The following F5 variants were observed in gnomAD, a reference collection of about 807,000 sequenced individuals.
F5 encodes the protein activated protein c cofactor.
F5 carries 138 observed loss-of-function variants against 216.4 expected under a neutral mutation model. That is an observed-to-expected ratio of 0.64 (90% CI 0.56 to 0.73). The LOEUF (loss-of-function observed/expected upper bound fraction) is 0.73. Among genes scored for constraint, F5 ranks in the 30% least tolerant of loss-of-function variants. The pLI is 0.00. For missense variants in F5, 2,403 were observed against 2,674.0 expected, an observed-to-expected ratio of 0.90 and a Z score of 2.24; for synonymous variants, 916 against 930.7, an observed-to-expected ratio of 0.98 and a Z score of 0.29.
intron 13 of F5, 99 bp downstream of exon 13, chr1:169,540,195 T>C (rs1022751782): frequency 3.1e-6 from 4 of 1,285,806 alleles, no homozygotes; most frequent in African/African-American, 2.9e-5. Flanking sequence ...ACACTGTTCT[T>C]AGTATAATTT....
intron 22 of F5, among the ~76,000 whole-genome samples, chr1:169,519,004 A>C (rs1047341426): frequency 6.6e-6 from 1 of 152,214 alleles, no homozygotes; most frequent in East Asian, 1.9e-4. Context: ...GATACAATGG[A>C]CCCTCAGTCA....
rs191926685 is a variant in F5, at chr1:169,529,822, G to A, written c.5209-4C>T. 1 of 1,610,626 alleles carries A rather than the reference G, an allele frequency of 6.2e-7. No homozygotes were observed. The highest frequency in any genetic ancestry group is 1.7e-5 in the Admixed American group (1 of 59,980). On this transcript the variant is annotated splice_polypyrimidine_tract_variant and splice_region_variant and intron_variant, in intron 15 of 24. Transcript: ENST00000367797. ...AGCCTGAGTGAATATCTTTTTCCTG[G>A]AAAAACAGAGTAAATTGTATTGCCT...
At chr1:169,524,743 G>T in intron 19 of F5, 94 bp downstream of exon 19, 2 of 1,062,650 alleles carry the variant, frequency 1.9e-6, no homozygotes, top group South Asian at 1.3e-5. Context: ...GAGAAAAACT[G>T]ATTCATAGAT....
chr1:169,569,382 A>G (rs921687811), intron 3 of F5, among the ~76,000 whole-genome samples: 1 of 152,132 alleles, frequency 6.6e-6, no homozygotes, highest in Non-Finnish European at 1.5e-5. Context: ...TCACATTCAT[A>G]TGCAACTCAT....
rs1392651509 is a variant in F5, at chr1:169,586,294, T to C, written c.93A>G (p.Leu31=). The change falls in exon 1 of 25, where the codon CTA becomes CTG. Residue 31 remains leucine (L), a synonymous_variant. Coordinates refer to ENST00000367797, the MANE Select transcript of F5 (RefSeq NM_000130.5). ...CCTGAGCAGCCACGTAGAACTGCCT[T>C]AGCTGTGCCGCTTCTGTCCCTTGGC... ...WGSQGTEAAQ[L]RQFYVAAQGI... 1.9e-6 allele frequency: 3 copies of C among 1,614,172 alleles called. No homozygotes were observed. Among genetic ancestry groups the C allele is most frequent in the Middle Eastern group, 1.6e-4 (1 of 6,062 alleles).
chr1:169,567,821 GT>G (rs1470676039), intron 3 of F5, among the ~76,000 whole-genome samples: 5 of 152,106 alleles, frequency 3.3e-5, no homozygotes, highest in Admixed American at 3.3e-4. Context: ...TAGGGTACAT[GT>G]TGGTGCCCTA....
intron 9 of F5, among the ~76,000 whole-genome samples, chr1:169,550,253 T>C (rs1276910944): frequency 6.7e-6 from 1 of 148,830 alleles, no homozygotes; most frequent in African/African-American, 2.5e-5. Flanking sequence ...TAACATTAGG[T>C]ATATCTCCTA....
intron 11 of F5, among the ~76,000 whole-genome samples, 188 bp from the exon 12 acceptor site, chr1:169,544,696 T>C (rs1420810206): frequency 6.6e-6 from 1 of 152,234 alleles, no homozygotes; most frequent in East Asian, 1.9e-4. Context: ...GAGAGATTAT[T>C]CTCCTAAATT....
In F5 at chr1:169,540,618, G is replaced by A. The variant is rs781197060; in HGVS notation, c.4472C>T (p.Pro1491Leu). Residue 1491 changes from proline to leucine, a missense_variant, in exon 13 of 25, where the codon CCA becomes CTA. By Grantham distance (98) the Pro-to-Leu change is moderately conservative (BLOSUM62 -3). This residue lies in a region of F5 where 293 missense variants were observed against 270.8 expected (regional missense o/e 1.08). Transcript: ENST00000367797. ...ATTGAGAGTAGGAGATGAAGGAGAT[G>A]GCATCTGACCAAGGTCTGGATAAGG... ...SFPYPDLGQM[P>L]SPSSPTLNDT... 3 of 1,613,880 alleles carry A rather than the reference G, an allele frequency of 1.9e-6. No homozygotes were observed. Among genetic ancestry groups the A allele is most frequent in the Non-Finnish European group, 2.5e-6 (3 of 1,179,964 alleles).
At chr1:169,523,618 T>A (rs1659362313) in intron 20 of F5, among the ~76,000 whole-genome samples, 183 bp downstream of exon 20, 1 of 152,208 alleles carries the variant, frequency 6.6e-6, no homozygotes, top group African/African-American at 2.4e-5. Flanking sequence ...TAAAACAAGA[T>A]ATTATTAGAA....
intron 10 of F5, 102 bp from the exon 11 acceptor site, chr1:169,546,694 G>A: frequency 9.7e-7 from 1 of 1,026,522 alleles, no homozygotes; most frequent in Non-Finnish European, 1.5e-6. Context: ...ACAACTATCT[G>A]ATCTGTGACA....
chr1:169,547,272 A>G (rs1660031567), intron 10 of F5, among the ~76,000 whole-genome samples: 1 of 152,238 alleles, frequency 6.6e-6, no homozygotes, highest in Non-Finnish European at 1.5e-5. Context: ...TATTTGGGAC[A>G]TAGGGATGGG....
intron 10 of F5, among the ~76,000 whole-genome samples, chr1:169,547,921 C>T (rs12026997): frequency 0.12 from 18,894 of 152,044 alleles, 2,990 homozygotes; most frequent in East Asian, 0.64. Flanking sequence ...TTCACAATAG[C>T]AAAGACATGA....
chr1:169,586,164 T>C, intron 1 of F5, 65 bp downstream of exon 1: 1 of 1,582,240 alleles, frequency 6.3e-7, no homozygotes, highest in Non-Finnish European at 8.7e-7. Context: ...GCAAAGGGAA[T>C]GTTCTCTAAA....
At chr1:169,549,572 A>G (rs1457945751) in intron 10 of F5, among the ~76,000 whole-genome samples, 4 of 143,162 alleles carry the variant, frequency 2.8e-5, no homozygotes, top group Non-Finnish European at 4.7e-5. Context: ...ACTAAGACAA[A>G]ATATGTTATC....
chr1:169,581,545 A>G (rs1660987153), intron 2 of F5, among the ~76,000 whole-genome samples: 1 of 152,052 alleles, frequency 6.6e-6, no homozygotes, highest in Non-Finnish European at 1.5e-5. Context: ...ACTCCCATTG[A>G]CTAAATATTG....
In F5 at chr1:169,542,554, C is replaced by G. The variant is rs1199603730; in HGVS notation, c.2536G>C (p.Gly846Arg). Residue 846 changes from glycine to arginine, a missense_variant, in exon 13 of 25, where the codon GGG becomes CGG. By Grantham distance (125) the Gly-to-Arg change is moderately radical (BLOSUM62 -2). Transcript: ENST00000367797. ...GCACCAAGTGAAAGTAGACGTATCC[C>G]TGTGACATCTGGCTGTAGAGGATCC... Reference protein sequence around the residue: ...IEDPLQPDVTGIRLLSLGAGE... With the variant: ...IEDPLQPDVTRIRLLSLGAGE... 6.2e-7 allele frequency: 1 copy of G among 1,613,912 alleles called. No homozygotes were observed. The highest frequency in any genetic ancestry group is 1.3e-5 in the African/African-American group (1 of 74,902).
At chr1:169,566,573 G>A (rs1266703887) in intron 3 of F5, among the ~76,000 whole-genome samples, 2 of 151,496 alleles carry the variant, frequency 1.3e-5, no homozygotes, top group African/African-American at 4.8e-5. Context: ...TTTTCTGCTA[G>A]ATAGTGGGAG....
intron 14 of F5, among the ~76,000 whole-genome samples, chr1:169,534,693 A>C (rs1237942084): frequency 2.0e-5 from 3 of 152,092 alleles, no homozygotes; most frequent in East Asian, 3.9e-4. Flanking sequence ...AAAGAAAGAC[A>C]GAAAATACAT....
Sources: gnomAD v4.1 joint callset for allele counts (sites outside exome capture counted in the v4.1 genomes callset) on GRCh38, gnomAD v4.1.1 for gene constraint, gnomAD v4.1.1 regional missense constraint, MANE v1.5 for transcripts, NCBI Gene and HGNC (gene_info 2026-07-23, HGNC 2026-07-21) for gene names.